SLIT3: variants seen among roughly 807,000 people sequenced by gnomAD.
The protein encoded by SLIT3 is slit guidance ligand 3.
SLIT3 carries 68 observed loss-of-function variants against 184.0 expected under a neutral mutation model. The observed-to-expected ratio is 0.37, with a 90% CI of 0.30 to 0.45. SLIT3 has a LOEUF of 0.45. Ranked by LOEUF, SLIT3 falls within the 20% of genes least tolerant of loss-of-function variation. The probability of loss-of-function intolerance (pLI) is 1.00; values close to 1 mark genes in which losing one functional copy is unlikely to be tolerated. For synonymous variants in SLIT3, 831 were observed against 828.6 expected (o/e 1.00, Z -0.05); for missense variants, 1,707 against 2,026.0 (o/e 0.84, Z 3.02).
At chr5:168,989,495 G>A (rs1320578861) in intron 4 of SLIT3, among the ~76,000 whole-genome samples, 3 of 152,182 alleles carry the variant, frequency 2.0e-5, no homozygotes, top group Admixed American at 6.5e-5. Flanking sequence ...AGGAGAGCCC[G>A]AGCAGAGGGA....
chr5:168,675,584 C>T (rs1561868647), intron 32 of SLIT3, among the ~76,000 whole-genome samples: 1 of 152,288 alleles, frequency 6.6e-6, no homozygotes, highest in East Asian at 1.9e-4. Context: ...TGTAACCAGG[C>T]ATGCTGGCAT....
intron 12 of SLIT3, among the ~76,000 whole-genome samples, chr5:168,784,412 G>T (rs991111171): frequency 2.0e-5 from 3 of 152,184 alleles, no homozygotes; most frequent in Non-Finnish European, 4.4e-5. Context: ...GGGCAGACAG[G>T]AAGACAGAGA....
chr5:168,752,973 A>T lies in SLIT3; in HGVS notation c.1955T>A (p.Leu652His). The T allele has an allele frequency of 6.2e-7, 1 of 1,614,080 alleles. No individual in the cohort carries two copies. The highest frequency in any genetic ancestry group is 8.5e-7 in the Non-Finnish European group (1 of 1,180,012). Residue 652 changes from leucine (L) to histidine (H), a missense_variant, in exon 18 of 36, where the codon CTT becomes CAT. Leu to His is a moderately conservative substitution (Grantham distance 99, BLOSUM62 -3). Around this residue, in one of 3 missense-constraint regions of SLIT3, gnomAD observed 1,307 missense variants for 1,511.6 expected, o/e 0.86. Coordinates refer to ENST00000519560, the MANE Select transcript of SLIT3 (RefSeq NM_003062.4). ...TTITPGAFTT[L>H]VSLSTINLLS... Reference sequence around the variant, plus strand: ...AACTTACATGGTGGACAGGGAGACAAGCGTGGTGAAGGCCCCAGGGGTGAT... The same window carrying T: ...AACTTACATGGTGGACAGGGAGACATGCGTGGTGAAGGCCCCAGGGGTGAT...
At chr5:168,968,985 G>A (rs947630858) in intron 4 of SLIT3, among the ~76,000 whole-genome samples, 5 of 152,184 alleles carry the variant, frequency 3.3e-5, no homozygotes, top group South Asian at 2.1e-4. Context: ...ATTTGTTGGT[G>A]ATAGGTGCAG....
intron 1 of SLIT3, among the ~76,000 whole-genome samples, chr5:169,282,476 G>A (rs891678670): frequency 6.6e-6 from 1 of 152,118 alleles, no homozygotes; most frequent in African/African-American, 2.4e-5. Flanking sequence ...AATCAATTAT[G>A]TCTCTCCATT....
chr5:168,859,684 A>G (rs547558369), intron 5 of SLIT3, among the ~76,000 whole-genome samples: 1 of 152,358 alleles, frequency 6.6e-6, no homozygotes, highest in South Asian at 2.1e-4. Context: ...GAGACTAAAA[A>G]TGCTGTCTCT....
At chr5:169,092,805 T>C (rs954383582) in intron 4 of SLIT3, among the ~76,000 whole-genome samples, 4 of 152,200 alleles carry the variant, frequency 2.6e-5, no homozygotes, top group African/African-American at 9.7e-5. Flanking sequence ...CTCATCCCTG[T>C]CCTGAGCCCA....
At chr5:169,085,613 A>G (rs572702516) in intron 4 of SLIT3, among the ~76,000 whole-genome samples, 2 of 152,308 alleles carry the variant, frequency 1.3e-5, no homozygotes, top group African/African-American at 4.8e-5. Context: ...TGGAAATAAG[A>G]AGGAGGTTAC....
chr5:168,675,155 C>G (rs1323143904), intron 32 of SLIT3, among the ~76,000 whole-genome samples: 1 of 152,090 alleles, frequency 6.6e-6, no homozygotes, highest in African/African-American at 2.4e-5. Context: ...CTCTTCCTTC[C>G]CTGAAGCTCT....
intron 8 of SLIT3, among the ~76,000 whole-genome samples, chr5:168,808,098 A>G (rs1757037066): frequency 6.6e-6 from 1 of 152,196 alleles, no homozygotes; most frequent in Admixed American, 6.5e-5. Flanking sequence ...TTGAGAAAAT[A>G]TTCTTGTCCA....
chr5:169,298,580 T>C (rs560832214), intron 1 of SLIT3, among the ~76,000 whole-genome samples: 2 of 152,282 alleles, frequency 1.3e-5, no homozygotes, highest in Admixed American at 1.3e-4. Context: ...TTGCAGGGTA[T>C]ACCAGAAGCA....
chr5:168,699,359 A>G (rs914156507), intron 27 of SLIT3, among the ~76,000 whole-genome samples: 2 of 152,244 alleles, frequency 1.3e-5, no homozygotes, highest in African/African-American at 4.8e-5. Context: ...GCTCTAAGAC[A>G]CCCACACATG....
In SLIT3 at chr5:169,114,997, A is replaced by G. The variant is rs1760601364; in HGVS notation, c.413+78482T>C. Reference sequence around the variant, plus strand: ...GAAGGAGGTGTGCTAATCTGCCTGCATTGGATCCTATGGTTTAGAGAATGT... The same window carrying G: ...GAAGGAGGTGTGCTAATCTGCCTGCGTTGGATCCTATGGTTTAGAGAATGT... On this transcript the variant is annotated intron_variant, in intron 4 of 35. Transcript: ENST00000519560. 2.6e-5 allele frequency among the ~76,000 whole-genome samples: 4 copies of G among 152,336 alleles called. No homozygotes were observed. In the South Asian group the frequency reaches 8.3e-4, roughly 32 times the overall value.
At position 169,300,859 on chromosome 5, in the gene SLIT3, G is replaced by C. The variant is rs1183204452; in HGVS notation, c.-150C>G. The stretch of plus-strand genomic sequence containing the variant: ...GCGAGCTCGGTGCTCAGGCGCACGG[G>C]GCGCGGGCGGAGCGGGGCGCTCCGG... On this transcript the variant is annotated 5_prime_UTR_variant, in exon 1 of 36. Transcript: ENST00000519560. This position sits in a 1 kb window ranked among gnomAD's most constrained non-coding sequence, Gnocchi z 4.1. The C allele has an allele frequency of 4.0e-6, 3 of 740,910 alleles. No homozygotes were observed. The highest frequency in any genetic ancestry group is 5.4e-6 in the Non-Finnish European group (3 of 555,532). 45.9% of individuals were successfully genotyped at this position (740,910 alleles called of 1,614,324 possible).
intron 32 of SLIT3, among the ~76,000 whole-genome samples, chr5:168,676,575 T>C (rs1169127897): frequency 6.6e-6 from 1 of 152,156 alleles, no homozygotes; most frequent in East Asian, 1.9e-4. Context: ...AGGGGAGGGA[T>C]GGCCCCGTGC....
intron 3 of SLIT3, among the ~76,000 whole-genome samples, chr5:169,207,458 A>T (rs577857910): frequency 1.3e-3 from 205 of 151,878 alleles, no homozygotes; most frequent in African/African-American, 4.8e-3. Context: ...GTCATCTCCA[A>T]GTTAGAGCCA....
At chr5:168,964,445 G>A (rs1353635275) in intron 4 of SLIT3, among the ~76,000 whole-genome samples, 2 of 152,260 alleles carry the variant, frequency 1.3e-5, no homozygotes, top group South Asian at 2.1e-4. Context: ...ATAGTTTTAC[G>A]TATTATTGGC....
At chr5:169,129,923 A>C (rs566285578) in intron 4 of SLIT3, among the ~76,000 whole-genome samples, 2 of 152,076 alleles carry the variant, frequency 1.3e-5, no homozygotes, top group East Asian at 3.9e-4. Flanking sequence ...ATCTCGGCTC[A>C]CTGCAACCTC....
chr5:168,870,581 C>T (rs1047662742), intron 5 of SLIT3, among the ~76,000 whole-genome samples: 1 of 152,180 alleles, frequency 6.6e-6, no homozygotes, highest in African/African-American at 2.4e-5. Flanking sequence ...GCTTCTTGAC[C>T]CTGCCACGGA....
Sources: gnomAD v4.1 joint callset for allele counts (sites outside exome capture counted in the v4.1 genomes callset) on GRCh38, gnomAD v4.1.1 for gene constraint, gnomAD v4.1.1 regional missense constraint, Gnocchi (gnomAD v3.1) non-coding constraint, MANE v1.5 for transcripts, NCBI Gene and HGNC (gene_info 2026-07-23, HGNC 2026-07-21) for gene names.